MACF1: variants seen among roughly 807,000 people sequenced by gnomAD.
MACF1 encodes the protein microtubule actin crosslinking factor 1, also known as microtubule-actin cross-linking factor 1.
Under a neutral mutation model 854.8 loss-of-function variants are expected in MACF1, and 193 were observed. That is an observed-to-expected ratio of 0.23 (90% CI 0.20 to 0.25). MACF1 has a LOEUF of 0.25. Among genes scored for constraint, MACF1 ranks in the 10% least tolerant of loss-of-function variants. The pLI is 1.00. For synonymous variants in MACF1, 3,185 were observed against 3,226.7 expected, an observed-to-expected ratio of 0.99 and a Z score of 0.44; for missense variants, 7,722 against 8,929.1, an observed-to-expected ratio of 0.86 and a Z score of 5.45.
chr1:39,193,503 C>G (rs1644281513), intron 2 of MACF1, among the ~76,000 whole-genome samples: 1 of 152,176 alleles, frequency 6.6e-6, no homozygotes, highest in African/African-American at 2.4e-5. Flanking sequence ...TAGGAGGTCT[C>G]TTGTGTGGTA....
Position 39,443,573 on chromosome 1 carries a change from T to C in MACF1, c.19430T>C (p.Met6477Thr). Residue 6477 changes from methionine (M) to threonine (T), a missense_variant and splice_region_variant, in exon 79 of 101, where the codon ATG (methionine) becomes ACG (threonine). Met to Thr is a moderately conservative substitution (Grantham distance 81). This residue lies in a region of MACF1 where 729 missense variants were observed against 900.5 expected (regional missense o/e 0.81). Coordinates refer to ENST00000564288, the MANE Select transcript of MACF1 (RefSeq NM_001394062.1). ...GCTAGGGAACAGCTTGATACACATA[T>C]GGTAATAGCAATTTTTTGAAATTGA... Reference protein sequence around the residue: ...ETAREQLDTHMELYSQLKAKE... With the variant: ...ETAREQLDTHTELYSQLKAKE... 1.9e-6 allele frequency: 3 copies of C among 1,590,278 alleles called. No homozygotes were observed. Among genetic ancestry groups the C allele is most frequent in the Non-Finnish European group, 2.6e-6 (3 of 1,173,456 alleles).
chr1:39,144,656 C>CT (rs56164405), intron 2 of MACF1, among the ~76,000 whole-genome samples: 137,928 of 146,602 alleles, frequency 0.94, 64,903 homozygotes, highest in East Asian at 0.99. Context: ...CAATTTTGGT[C>CT]TTTTTTTTTT....
rs1044158630 is a variant in MACF1 at position 39,452,805 on chromosome 1, C to A, written c.20735C>A (p.Thr6912Asn). 1.2e-6 allele frequency: 2 copies of A among 1,614,024 alleles called. No individual in the cohort carries two copies. Among genetic ancestry groups the A allele is most frequent in the Non-Finnish European group, 1.7e-6 (2 of 1,179,902 alleles). ...GAGGCCCTGCAGTCTCTCATTGACA[C>A]CCATAAGGTAATCCAGCCTTGGGGT... ...DTEALQSLIDTHKEFMKKVEE... is the reference protein window; with the variant it reads ...DTEALQSLIDNHKEFMKKVEE... Residue 6912 changes from threonine to asparagine, a missense_variant, in exon 87 of 101, where the codon ACC becomes AAC. By Grantham distance (65) the Thr-to-Asn change is moderately conservative (BLOSUM62 0). This residue lies in a region of MACF1 where 729 missense variants were observed against 900.5 expected (regional missense o/e 0.81). Transcript: ENST00000564288.
intron 6 of MACF1, among the ~76,000 whole-genome samples, chr1:39,264,662 CTTTTT>C (rs35145613): frequency 6.1e-5 from 5 of 81,628 alleles, no homozygotes; most frequent in Non-Finnish European, 4.9e-5. Flanking sequence ...GATAGGATTT[CTTTTT>C]TTTTTTTTTT....
chr1:39,458,322 G>C lies in MACF1; in HGVS notation c.21076-48G>C, dbSNP rs200589075. 88 of 1,596,642 alleles carry C rather than the reference G, an allele frequency of 5.5e-5. No individual in the cohort carries two copies. In the East Asian group the frequency reaches 1.8e-3, roughly 33 times the overall value. On this transcript the variant is annotated intron_variant, in intron 89 of 100. Transcript: ENST00000564288. ...TAGCTCTTCCTTTGCCCCCATAAGA[G>C]TAAAAATACAATATTTAACTCTTTT...
At chr1:39,245,111 A>C (rs1644968015) in intron 2 of MACF1, among the ~76,000 whole-genome samples, 1 of 152,186 alleles carries the variant, frequency 6.6e-6, no homozygotes, top group Non-Finnish European at 1.5e-5. Context: ...AATATGTACA[A>C]GTTTTGCTAC....
At chr1:39,315,761 G>C in intron 27 of MACF1, 70 bp downstream of exon 27, 1 of 1,448,076 alleles carries the variant, frequency 6.9e-7, no homozygotes, top group Non-Finnish European at 9.5e-7. Context: ...AAGGCTTAAA[G>C]TATTTCATGA....
At chr1:39,102,640 A>G (rs1642122217) in intron 2 of MACF1, 1 of 633,278 alleles carries the variant, frequency 1.6e-6, no homozygotes, top group South Asian at 1.8e-5. Flanking sequence ...ATGAGGCTTT[A>G]ATTGGGAGGA....
intron 58 of MACF1, among the ~76,000 whole-genome samples, chr1:39,418,862 CA>C (rs199994964): frequency 0.028 from 3,850 of 136,870 alleles, 111 homozygotes; most frequent in East Asian, 0.18. Flanking sequence ...GACCCTGTCT[CA>C]AAAAAAAAAA....
chr1:39,399,711 C>A (rs1449785607), intron 58 of MACF1, among the ~76,000 whole-genome samples: 1 of 152,166 alleles, frequency 6.6e-6, no homozygotes, highest in Non-Finnish European at 1.5e-5. Flanking sequence ...GCTCACTACT[C>A]CTGATCTCTT....
At chr1:39,254,431 T>C in intron 5 of MACF1, 56 bp downstream of exon 5, 1 of 1,495,930 alleles carries the variant, frequency 6.7e-7, no homozygotes, top group Non-Finnish European at 9.3e-7. Context: ...ATTGGGGCCC[T>C]ATTCAGAGAT....
intron 2 of MACF1, among the ~76,000 whole-genome samples, chr1:39,090,354 G>A (rs530506366): frequency 4.9e-4 from 75 of 152,296 alleles, no homozygotes; most frequent in Admixed American, 2.6e-3. Context: ...CCTGAAAGTG[G>A]GGCAGAATGA....
chr1:39,340,690 C>G lies in MACF1; in HGVS notation c.10404C>G (p.His3468Gln), dbSNP rs755616781. 1 of 1,614,200 alleles carries G rather than the reference C, an allele frequency of 6.2e-7. No homozygotes were observed. The highest frequency in any genetic ancestry group is 8.5e-7 in the Non-Finnish European group (1 of 1,180,020). ...VSDTWNSRLL[H>Q]FQNAVEIEKT... is the part of the protein sequence containing the mutation. Reference sequence around the variant, plus strand: ...ACACTTGGAATTCCAGGCTACTCCACTTCCAGAATGCTGTGGAAATAGAAA... The same window carrying G: ...ACACTTGGAATTCCAGGCTACTCCAGTTCCAGAATGCTGTGGAAATAGAAA... The change falls in exon 39 of 101, where the codon CAC becomes CAG. Residue 3468 changes from histidine to glutamine, a missense_variant. Transcript: ENST00000564288.
At chr1:39,359,365 G>T (rs1647863513) in intron 47 of MACF1, 101 bp downstream of exon 47, 1 of 1,325,994 alleles carries the variant, frequency 7.5e-7, no homozygotes, top group Non-Finnish European at 1.1e-6. Context: ...TGTGGTGCCA[G>T]GCTAGAGGCT....
Position 39,290,356 on chromosome 1 carries a change from G to T in MACF1, c.1786-1554G>T, listed in dbSNP as rs189412883. On this transcript the variant is annotated intron_variant, in intron 15 of 100. Coordinates refer to ENST00000564288, the MANE Select transcript of MACF1 (RefSeq NM_001394062.1). The stretch of plus-strand genomic sequence containing the variant: ...GAGTTCATTGTAGGTGTATGGATTT[G>T]TTTCTGGGTTCTCTATTCTGTTCCA... Among the ~76,000 whole-genome samples the T allele has an allele frequency of 3.8e-3, 582 of 152,174 alleles. 2 individuals carry two copies. The highest frequency in any genetic ancestry group is 6.5e-3 in the Non-Finnish European group (444 of 67,980).
At chr1:39,143,822 T>TGA (rs1643401308) in intron 2 of MACF1, among the ~76,000 whole-genome samples, 1 of 152,158 alleles carries the variant, frequency 6.6e-6, no homozygotes, top group African/African-American at 2.4e-5. Context: ...TCGCCCAGGC[T>TGA]GGAGTGCAGT....
intron 93 of MACF1, 99 bp from the exon 94 acceptor site, chr1:39,463,513 A>G (rs1644599922): frequency 7.5e-6 from 6 of 798,246 alleles, no homozygotes; most frequent in African/African-American, 1.8e-5. Flanking sequence ...AAATGTAAAT[A>G]ATGAATAGCC....
rs113982087 is a variant in MACF1 at position 39,233,416 on chromosome 1, C to T, written c.171+2173C>T. On this transcript the variant is annotated intron_variant, in intron 2 of 100. Coordinates refer to ENST00000564288, the MANE Select transcript of MACF1 (RefSeq NM_001394062.1). ...CTCCTATATTCATTTCTCTGCTTTTCGTTTATTGCTACGAGTGAGCCATGG... is the reference window on the plus strand; with the variant it reads ...CTCCTATATTCATTTCTCTGCTTTTTGTTTATTGCTACGAGTGAGCCATGG... 4.8e-3 allele frequency among the ~76,000 whole-genome samples: 736 copies of T among 152,232 alleles called. 5 individuals carry two copies. The highest frequency in any genetic ancestry group is 0.016 in the African/African-American group (676 of 41,560).
At chr1:39,177,440 AAGG>A (rs1644045235) in intron 2 of MACF1, among the ~76,000 whole-genome samples, 1 of 152,120 alleles carries the variant, frequency 6.6e-6, no homozygotes, top group Admixed American at 6.6e-5. Flanking sequence ...GTTTCTATAG[AAGG>A]AGTTTTCCAG....
Sources: allele counts gnomAD v4.1 joint callset (sites outside exome capture counted in the v4.1 genomes callset), GRCh38; gene constraint gnomAD v4.1.1; regional missense constraint gnomAD v4.1.1; transcripts MANE v1.5; gene names NCBI Gene and HGNC (gene_info 2026-07-23, HGNC 2026-07-21).